The following NTRK3 variants were observed in gnomAD, a reference collection of about 807,000 sequenced individuals.
NTRK3 encodes neurotrophic receptor tyrosine kinase 3.
A neutral mutation model predicts 91.7 loss-of-function variants in NTRK3; 24 were observed. The observed-to-expected ratio is 0.26, with a 90% CI of 0.19 to 0.37. The LOEUF (loss-of-function observed/expected upper bound fraction) is 0.37, where lower values mean the gene tolerates loss of function less well. NTRK3 is among the 10% of genes least tolerant of loss of function. NTRK3 has a pLI of 1.00. For synonymous variants in NTRK3, 483 were observed against 404.0 expected (o/e 1.20, Z -2.34); for missense variants, 880 against 1,068.9 (o/e 0.82, Z 2.46).
chr15:87,877,562 G>A (rs1268006848), intron 18 of NTRK3, among the ~76,000 whole-genome samples: 2 of 151,962 alleles, frequency 1.3e-5, no homozygotes, highest in African/African-American at 4.8e-5. Flanking sequence ...GCACCCTCTG[G>A]CCCCTGCATG....
chr15:88,052,192 TA>T (rs1382119606), intron 13 of NTRK3, among the ~76,000 whole-genome samples: 1 of 152,224 alleles, frequency 6.6e-6, no homozygotes, highest in Non-Finnish European at 1.5e-5. Context: ...GGTGTACATC[TA>T]AAATAGCTCC....
At chr15:88,144,255 G>C (rs1466668191) in intron 6 of NTRK3, 1 of 152,168 alleles carries the variant, frequency 6.6e-6, no homozygotes, top group Non-Finnish European at 1.5e-5. Flanking sequence ...AAACTGTGCT[G>C]GTTACTCCAA....
At chr15:88,249,179 C>A (rs556807841) in intron 3 of NTRK3, among the ~76,000 whole-genome samples, 38 of 152,236 alleles carry the variant, frequency 2.5e-4, no homozygotes, top group African/African-American at 8.2e-4. Context: ...GGACTGGGGG[C>A]AGAGGTGAGG....
intron 13 of NTRK3, among the ~76,000 whole-genome samples, chr15:88,077,088 C>T (rs2047615458): frequency 6.6e-6 from 1 of 152,080 alleles, no homozygotes; most frequent in African/African-American, 2.4e-5. Context: ...AGCTAGACTC[C>T]ATCAAATAAA....
chr15:87,962,326 G>A (rs780927966), intron 14 of NTRK3, among the ~76,000 whole-genome samples: 72 of 152,264 alleles, frequency 4.7e-4, no homozygotes, highest in Middle Eastern at 6.8e-3. Context: ...CCCAGAAGAG[G>A]AGAGGAAGAG....
chr15:88,200,080 C>T (rs989090655), intron 3 of NTRK3, among the ~76,000 whole-genome samples: 3 of 152,180 alleles, frequency 2.0e-5, no homozygotes, highest in Non-Finnish European at 4.4e-5. Context: ...AGTGGGTGAC[C>T]GTGAATAAAT....
At position 88,164,313 on chromosome 15, in the gene NTRK3, C is replaced by T. The variant is rs80237134; in HGVS notation, c.396-16910G>A. On this transcript the variant is annotated intron_variant, in intron 5 of 18. Coordinates refer to ENST00000394480, the Ensembl canonical transcript of NTRK3. ...TTGCCCCAGATGTCTTGGTTTACTT[C>T]TCATTCCTACAAAGGATAAGTCAAA... Among the ~76,000 whole-genome samples, 414 of 152,332 alleles carry T rather than the reference C, an allele frequency of 2.7e-3. 7 individuals carry two copies. The East Asian group carries it at 0.033, about 12-fold the overall frequency.
intron 14 of NTRK3, among the ~76,000 whole-genome samples, chr15:87,967,348 A>C (rs1434017825): frequency 6.6e-6 from 1 of 152,214 alleles, no homozygotes; most frequent in South Asian, 2.1e-4. Context: ...TACAGAGTTA[A>C]CCTAAGGAAG....
intron 3 of NTRK3, among the ~76,000 whole-genome samples, chr15:88,209,664 G>A (rs1027346314): frequency 1.3e-5 from 2 of 152,190 alleles, no homozygotes; most frequent in Non-Finnish European, 2.9e-5. Context: ...GGAACAGCAG[G>A]GACTGCCCAG....
intron 17 of NTRK3, among the ~76,000 whole-genome samples, chr15:87,890,338 G>A (rs1041245707): frequency 5.9e-5 from 9 of 152,056 alleles, no homozygotes; most frequent in Admixed American, 5.9e-4. Context: ...GGGAGACATT[G>A]TAATTATAGT....
At chr15:88,085,213 G>A (rs1012387657) in intron 13 of NTRK3, among the ~76,000 whole-genome samples, 2 of 152,216 alleles carry the variant, frequency 1.3e-5, no homozygotes, top group African/African-American at 4.8e-5. Context: ...TGGGTTTTCA[G>A]AGGCAGGAAC....
intron 17 of NTRK3, among the ~76,000 whole-genome samples, 172 bp from the exon 18 acceptor site, chr15:87,885,907 A>G (rs984960778): frequency 2.0e-5 from 3 of 152,006 alleles, no homozygotes; most frequent in African/African-American, 7.2e-5. Flanking sequence ...GGCAAAAGAC[A>G]ACATAAGCAT....
At chr15:88,249,592 C>T (rs571019255) in intron 3 of NTRK3, among the ~76,000 whole-genome samples, 20 of 152,262 alleles carry the variant, frequency 1.3e-4, no homozygotes, top group African/African-American at 4.8e-4. Flanking sequence ...TGCAGTGGTC[C>T]TTTCCAGCTT....
At chr15:88,151,645 C>T (rs1410746924) in intron 5 of NTRK3, among the ~76,000 whole-genome samples, 1 of 152,200 alleles carries the variant, frequency 6.6e-6, no homozygotes, top group Non-Finnish European at 1.5e-5. Context: ...AGATGAGTCC[C>T]TCTGTTGCCC....
rs1400198223 is a variant in NTRK3 at position 88,068,577 on chromosome 15, T to C, written c.1397-35532A>G. On this transcript the variant is annotated intron_variant, in intron 13 of 18. Coordinates refer to ENST00000394480, the Ensembl canonical transcript of NTRK3. ...GACTTTAAAAGCCAAGATATAGGGC[T>C]CAGAAAGGATAGACAAGGCAAGCAG... Among the ~76,000 whole-genome samples, 7 of 152,140 alleles carry C rather than the reference T, an allele frequency of 4.6e-5. No homozygotes were observed. In the East Asian group the frequency reaches 1.3e-3, roughly 29 times the overall value.
intron 17 of NTRK3, among the ~76,000 whole-genome samples, chr15:87,912,750 T>C (rs774196413): frequency 6.6e-6 from 1 of 150,912 alleles, no homozygotes; most frequent in Non-Finnish European, 1.5e-5. Flanking sequence ...CTTACCCAAA[T>C]TTCATCCAGA....
chr15:88,131,659 A>G (rs1012983807), intron 10 of NTRK3, among the ~76,000 whole-genome samples: 3 of 152,202 alleles, frequency 2.0e-5, no homozygotes, highest in African/African-American at 7.2e-5. Flanking sequence ...TAAGGCTCCC[A>G]TTTATTAGAG....
chr15:88,235,405 G>A lies in NTRK3; in HGVS notation c.248+20501C>T, dbSNP rs574882686. ...GACACTCACTGGTCTCGGCCTTCCC[G>A]GAACCCACATCTGAGCACTCAGCAA... On this transcript the variant is annotated intron_variant, in intron 3 of 18. Coordinates refer to ENST00000394480, the Ensembl canonical transcript of NTRK3. This position sits in a 1 kb window ranked among gnomAD's most constrained non-coding sequence, Gnocchi z 5.2. Among the ~76,000 whole-genome samples, 3 of 152,158 alleles carry A rather than the reference G, an allele frequency of 2.0e-5. No homozygotes were observed. Among genetic ancestry groups the A allele is most frequent in the Non-Finnish European group, 1.5e-5 (1 of 68,040 alleles).
intron 14 of NTRK3, among the ~76,000 whole-genome samples, chr15:87,974,123 G>T (rs2073501173): frequency 6.6e-6 from 1 of 152,166 alleles, no homozygotes; most frequent in Non-Finnish European, 1.5e-5. Flanking sequence ...GTCTTGACCT[G>T]AGGGAACTGG....
Sources: allele counts gnomAD v4.1 joint callset (sites outside exome capture counted in the v4.1 genomes callset), GRCh38; gene constraint gnomAD v4.1.1; non-coding constraint Gnocchi (gnomAD v3.1); transcripts MANE v1.5; gene names NCBI Gene and HGNC (gene_info 2026-07-23, HGNC 2026-07-21).